SFXN5: variants seen among roughly 807,000 people sequenced by gnomAD.
SFXN5 encodes the protein sideroflexin-5.
Under a neutral mutation model 50.2 loss-of-function variants are expected in SFXN5, and 43 were observed. The ratio of observed to expected loss-of-function variants is 0.86; its 90% CI spans 0.67 to 1.11. SFXN5 has a LOEUF of 1.11. Ranked by LOEUF, SFXN5 falls within the 50% of genes least tolerant of loss-of-function variation. The pLI, the probability that SFXN5 is intolerant of heterozygous loss-of-function variation, is 0.00. For synonymous variants in SFXN5, 203 were observed against 185.8 expected (o/e 1.09, Z -0.75); for missense variants, 463 against 454.1 (o/e 1.02, Z -0.18).
intron 2 of SFXN5, among the ~76,000 whole-genome samples, chr2:73,042,834 C>T (rs922222909): frequency 1.3e-5 from 2 of 151,782 alleles, no homozygotes; most frequent in Admixed American, 6.6e-5. Flanking sequence ...CCTGTAATCC[C>T]AGGACTTTGG....
At chr2:73,020,090 A>G in intron 6 of SFXN5, 149 bp downstream of exon 6, 1 of 705,242 alleles carries the variant, frequency 1.4e-6, no homozygotes, top group Non-Finnish European at 2.3e-6. Context: ...ATGTGGTAAG[A>G]AATACATATC....
intron 8 of SFXN5, among the ~76,000 whole-genome samples, chr2:72,999,950 G>T (rs555513217): frequency 6.6e-6 from 1 of 152,232 alleles, no homozygotes; most frequent in East Asian, 1.9e-4. Context: ...GGCTCTGGGG[G>T]GGAGTTACCA....
intron 1 of SFXN5, among the ~76,000 whole-genome samples, chr2:73,069,775 T>C (rs1268516859): frequency 2.6e-5 from 4 of 151,578 alleles, no homozygotes; most frequent in Admixed American, 6.6e-5. Context: ...GGTCACTGAA[T>C]GTCCCTAGTG....
chr2:73,051,472 G>C (rs1370615251), intron 2 of SFXN5, among the ~76,000 whole-genome samples: 1 of 152,068 alleles, frequency 6.6e-6, no homozygotes, highest in Non-Finnish European at 1.5e-5. Context: ...TGGCCAGGCT[G>C]GTCTTGAACT....
intron 2 of SFXN5, among the ~76,000 whole-genome samples, chr2:73,046,144 C>T (rs1423732049): frequency 6.6e-6 from 1 of 152,184 alleles, no homozygotes; most frequent in Non-Finnish European, 1.5e-5. Context: ...TGCAGCAGCT[C>T]ACGCCTGTAA....
chr2:72,971,551 T>C lies in SFXN5; in HGVS notation c.741+19A>G. On this transcript the variant is annotated intron_variant, in intron 11 of 13. Coordinates refer to ENST00000272433, the MANE Select transcript of SFXN5 (RefSeq NM_144579.3). ...CCCCTGTTGCTGGCCTCCCCAACCC[T>C]GCGAACCCCCAGACCCACGTGTCGG... 1.9e-6 allele frequency: 3 copies of C among 1,602,318 alleles called. No homozygotes were observed. Among genetic ancestry groups the C allele is most frequent in the Non-Finnish European group, 2.6e-6 (3 of 1,170,182 alleles).
At chr2:73,069,398 G>A (rs1314938626) in intron 1 of SFXN5, among the ~76,000 whole-genome samples, 6 of 152,164 alleles carry the variant, frequency 3.9e-5, no homozygotes, top group African/African-American at 1.2e-4. Flanking sequence ...TAAAGGGTGA[G>A]GGAGAAGAAG....
intron 6 of SFXN5, among the ~76,000 whole-genome samples, chr2:73,007,452 C>A (rs1178202342): frequency 6.6e-5 from 10 of 152,068 alleles, no homozygotes; most frequent in African/African-American, 2.4e-4. Context: ...TTAGGCGTCA[C>A]TTCCTCCAGG....
intron 2 of SFXN5, among the ~76,000 whole-genome samples, chr2:73,050,393 C>T (rs1462313007): frequency 1.5e-5 from 2 of 136,574 alleles, no homozygotes; most frequent in Non-Finnish European, 3.1e-5. Context: ...ACAGCGCACG[C>T]ACACACACAC....
intron 1 of SFXN5, chr2:73,058,950 C>T: frequency 1.6e-6 from 1 of 606,546 alleles, no homozygotes; most frequent in Non-Finnish European, 2.1e-6. Context: ...TGGTCCCCAG[C>T]CCTCTCCCAG....
chr2:72,961,025 A>G lies in SFXN5; in HGVS notation c.945+106T>C. The G allele has an allele frequency of 5.2e-6, 4 of 769,212 alleles. No individual in the cohort carries two copies. Among genetic ancestry groups the G allele is most frequent in the Non-Finnish European group, 7.7e-6 (4 of 521,608 alleles). 47.6% of individuals were successfully genotyped at this position (769,212 alleles called of 1,614,324 possible). A position where few individuals can be genotyped will look rare whatever the true frequency, so the allele number is the denominator to read the frequency against. ...CAGCCTCATTCACGGTTCCAGCCCCAGCGCCTAGCATGGCGCTAAGGAGTC... is the reference window on the plus strand; with the variant it reads ...CAGCCTCATTCACGGTTCCAGCCCCGGCGCCTAGCATGGCGCTAAGGAGTC... On this transcript the variant is annotated intron_variant, in intron 13 of 13. Coordinates refer to ENST00000272433, the MANE Select transcript of SFXN5 (RefSeq NM_144579.3). The surrounding 1 kb of genome is among the most constrained non-coding windows in gnomAD (Gnocchi z 4.4).
intron 10 of SFXN5, among the ~76,000 whole-genome samples, chr2:72,975,502 T>C (rs532159411): frequency 6.6e-6 from 1 of 152,248 alleles, no homozygotes; most frequent in East Asian, 1.9e-4. Context: ...GGCTACTGAT[T>C]TGGGGAAAAT....
At position 73,040,948 on chromosome 2, in the gene SFXN5, A is replaced by G. The variant is rs200101971; in HGVS notation, c.172-17T>C. On this transcript the variant is annotated splice_polypyrimidine_tract_variant and intron_variant, in intron 2 of 13. Transcript: ENST00000272433. ...GAGACGTCTCTGCAGAAGAAAGAAA[A>G]GAGACATTGAGGGGCACAGATCCAG... is the stretch of plus-strand genomic sequence containing the variant. 5.2e-5 allele frequency: 84 copies of G among 1,609,400 alleles called. No homozygotes were observed. The highest frequency in any genetic ancestry group is 6.6e-5 in the Non-Finnish European group (78 of 1,178,542).
intron 8 of SFXN5, 31 bp downstream of exon 8, chr2:73,000,400 C>T: frequency 1.3e-6 from 2 of 1,551,156 alleles, no homozygotes; most frequent in Middle Eastern, 1.7e-4. Flanking sequence ...AGCCTGAACC[C>T]CACCACTGGG....
intron 2 of SFXN5, chr2:73,049,894 G>A (rs929738275): frequency 2.6e-5 from 4 of 151,296 alleles, no homozygotes; most frequent in African/African-American, 7.3e-5. Context: ...TCCTCCAGCT[G>A]TGAGCCTGTA....
intron 1 of SFXN5, chr2:73,071,089 G>T (rs1271052904): frequency 6.5e-6 from 1 of 153,212 alleles, no homozygotes; most frequent in Non-Finnish European, 1.5e-5. Context: ...CCGGCTTGGG[G>T]GCCAGGGCTG....
chr2:73,002,125 A>G (rs1673994032), intron 6 of SFXN5, among the ~76,000 whole-genome samples: 1 of 152,226 alleles, frequency 6.6e-6, no homozygotes, highest in Non-Finnish European at 1.5e-5. Flanking sequence ...AAGTTGGGGG[A>G]ATTTGTATCT....
intron 12 of SFXN5, among the ~76,000 whole-genome samples, chr2:72,967,640 C>T (rs1403659098): frequency 1.3e-5 from 2 of 152,150 alleles, no homozygotes; most frequent in African/African-American, 2.4e-5. Flanking sequence ...GTCCTTATAC[C>T]ACACGCCCCC....
At chr2:73,052,363 T>TATGC (rs1559208374) in intron 2 of SFXN5, among the ~76,000 whole-genome samples, 1,414 of 98,962 alleles carry the variant, frequency 0.014, 23 homozygotes, top group African/African-American at 0.094. Context: ...TGTATGCGTG[T>TATGC]GTGTGTGTGT....
Sources: gnomAD v4.1 joint callset for allele counts (sites outside exome capture counted in the v4.1 genomes callset) on GRCh38, gnomAD v4.1.1 for gene constraint, Gnocchi (gnomAD v3.1) non-coding constraint, MANE v1.5 for transcripts, NCBI Gene and HGNC (gene_info 2026-07-23, HGNC 2026-07-21) for gene names.